LINGO2: variants seen among roughly 807,000 people sequenced by gnomAD.
LINGO2 encodes leucine rich repeat and Ig domain containing 2, also known as leucine-rich repeat and immunoglobulin-like domain-containing nogo receptor-interacting protein 2.
A neutral mutation model predicts 30.6 loss-of-function variants in LINGO2; 14 were observed. The observed-to-expected ratio is 0.46, with a 90% confidence interval of 0.30 to 0.72. LINGO2 has a LOEUF of 0.72. LINGO2 is among the 30% of genes least tolerant of loss of function. LINGO2 has a pLI of 0.07. For missense variants in LINGO2, 729 were observed against 751.7 expected (o/e 0.97, Z 0.35); for synonymous variants, 317 against 288.5 (o/e 1.10, Z -1.00).
chr9:28,456,631 C>A (rs1360035675), intron 2 of LINGO2, among the ~76,000 whole-genome samples: 2 of 152,090 alleles, frequency 1.3e-5, no homozygotes, highest in Non-Finnish European at 2.9e-5. Context: ...CCATTTGAAC[C>A]AGTGCCATCT....
the LINGO2 span, among the ~76,000 whole-genome samples, chr9:28,830,526 T>G: frequency 6.6e-6 from 1 of 151,948 alleles, no homozygotes; most frequent in Non-Finnish European, 1.5e-5. Flanking sequence ...AAGTACAGGG[T>G]GGACAGATAT....
intron 1 of LINGO2, among the ~76,000 whole-genome samples, chr9:28,514,948 G>A (rs1329479390): frequency 4.4e-5 from 6 of 135,324 alleles, no homozygotes; most frequent in African/African-American, 1.6e-4. Flanking sequence ...AAAAAAAAAA[G>A]AAGCCTGGAT....
chr9:28,912,688 C>A, the LINGO2 span, among the ~76,000 whole-genome samples: 32,879 of 152,024 alleles, frequency 0.22, 4,071 homozygotes, highest in African/African-American at 0.34. Context: ...TTAGTAATCA[C>A]TGATGCTTCT....
chr9:28,253,993 G>A (rs900606036), intron 4 of LINGO2, among the ~76,000 whole-genome samples: 15 of 152,070 alleles, frequency 9.9e-5, no homozygotes, highest in Non-Finnish European at 1.8e-4. Context: ...TTGTTCAGGA[G>A]AGAGTCCTTT....
At chr9:27,982,546 G>T (rs1362553211) in intron 5 of LINGO2, among the ~76,000 whole-genome samples, 4 of 151,786 alleles carry the variant, frequency 2.6e-5, no homozygotes, top group Non-Finnish European at 4.4e-5. Context: ...AACCATATAT[G>T]GTAGGTTACA....
chr9:27,987,960 G>A (rs370935713), intron 5 of LINGO2, among the ~76,000 whole-genome samples: 1 of 151,936 alleles, frequency 6.6e-6, no homozygotes, highest in African/African-American at 2.4e-5. Flanking sequence ...CCATTAACTC[G>A]TCATTTATAT....
intron 1 of LINGO2, among the ~76,000 whole-genome samples, chr9:28,544,918 A>C (rs1490273414): frequency 2.0e-5 from 3 of 151,564 alleles, no homozygotes; most frequent in African/African-American, 7.2e-5. Flanking sequence ...TTAATTGCCA[A>C]ATTAGAAAAC....
At chr9:28,300,654 A>G (rs1189016417) in intron 3 of LINGO2, among the ~76,000 whole-genome samples, 1 of 150,426 alleles carries the variant, frequency 6.6e-6, no homozygotes, top group East Asian at 1.9e-4. Context: ...TCCTTCCTCC[A>G]TTGTCTTTTT....
intron 1 of LINGO2, among the ~76,000 whole-genome samples, chr9:28,629,880 T>C (rs1826852273): frequency 6.6e-6 from 1 of 152,046 alleles, no homozygotes; most frequent in South Asian, 2.1e-4. Flanking sequence ...TTAAAAAGTT[T>C]CATCTAGCAT....
chr9:28,491,822 T>C (rs1222061867), intron 1 of LINGO2, among the ~76,000 whole-genome samples: 2 of 152,136 alleles, frequency 1.3e-5, no homozygotes, highest in Non-Finnish European at 2.9e-5. Context: ...GGATTAGAAA[T>C]ATAATAACAT....
chr9:28,455,488 G>T (rs1824809601), intron 2 of LINGO2, among the ~76,000 whole-genome samples: 1 of 152,012 alleles, frequency 6.6e-6, no homozygotes, highest in African/African-American at 2.4e-5. Context: ...TTACAGGCAA[G>T]CTATACTCAT....
chr9:29,003,190 A>G, the LINGO2 span, among the ~76,000 whole-genome samples: 3 of 152,074 alleles, frequency 2.0e-5, no homozygotes, highest in Non-Finnish European at 2.9e-5. Context: ...TCAGACATCT[A>G]GCCTCCAGAA....
At chr9:29,055,940 G>GTGTATATATATATGTGTATATATA in the LINGO2 span, among the ~76,000 whole-genome samples, 1 of 119,980 alleles carries the variant, frequency 8.3e-6, no homozygotes, top group Non-Finnish European at 1.8e-5. Context: ...ATGTGTGTGT[G>GTGTATATATATATGTGTATATATA]TATATATACA....
intron 2 of LINGO2, among the ~76,000 whole-genome samples, chr9:28,435,695 C>T (rs917742286): frequency 5.9e-5 from 9 of 152,204 alleles, no homozygotes; most frequent in Admixed American, 3.3e-4. Context: ...AATATCCCTT[C>T]CTGGTTTTGT....
intron 4 of LINGO2, among the ~76,000 whole-genome samples, chr9:28,087,202 C>G (rs140170000): frequency 1.3e-5 from 2 of 152,058 alleles, no homozygotes; most frequent in African/African-American, 4.8e-5. Flanking sequence ...GATACTCCAG[C>G]AGAGATAAGA....
At chr9:28,212,424 C>T (rs1009666858) in intron 4 of LINGO2, among the ~76,000 whole-genome samples, 1 of 151,440 alleles carries the variant, frequency 6.6e-6, no homozygotes, top group Non-Finnish European at 1.5e-5. Context: ...CAACTGCTAT[C>T]TGCTATGGCC....
At chr9:29,147,206 A>C in the LINGO2 span, among the ~76,000 whole-genome samples, 5 of 152,306 alleles carry the variant, frequency 3.3e-5, no homozygotes, top group Non-Finnish European at 7.4e-5. Context: ...AATATAAAAT[A>C]AATGAAGATG....
chr9:28,563,419 A>C (rs1823207149), intron 1 of LINGO2, among the ~76,000 whole-genome samples: 1 of 152,178 alleles, frequency 6.6e-6, no homozygotes, highest in African/African-American at 2.4e-5. Flanking sequence ...TTTACGTCTA[A>C]GTTCAAAACA....
At chr9:28,874,802 G>A in the LINGO2 span, among the ~76,000 whole-genome samples, 5 of 152,202 alleles carry the variant, frequency 3.3e-5, no homozygotes, top group East Asian at 5.8e-4. Context: ...GCTTTTGGTA[G>A]TTAAATGACC....
Sources: gnomAD v4.1 joint callset for allele counts (sites outside exome capture counted in the v4.1 genomes callset) on GRCh38, gnomAD v4.1.1 for gene constraint, MANE v1.5 for transcripts, NCBI Gene and HGNC (gene_info 2026-07-23, HGNC 2026-07-21) for gene names.